Variants in KCNIP4 observed in about 807,000 individuals in gnomAD.
The protein encoded by KCNIP4 is Kv channel-interacting protein 4.
KCNIP4 carries 12 observed loss-of-function variants against 34.0 expected under a neutral mutation model. The observed-to-expected ratio is 0.35, with a 90% confidence interval of 0.23 to 0.57. The LOEUF (loss-of-function observed/expected upper bound fraction) is 0.57. KCNIP4 is among the 20% of genes least tolerant of loss of function. The probability of loss-of-function intolerance (pLI) is 0.83; values close to 1 mark genes in which losing one functional copy is unlikely to be tolerated. For missense variants in KCNIP4, 238 were observed against 311.7 expected (o/e 0.76, Z 1.78); for synonymous variants, 124 against 102.2 (o/e 1.21, Z -1.29).
intron 1 of KCNIP4, among the ~76,000 whole-genome samples, chr4:21,517,407 C>A (rs1039807489): frequency 5.3e-5 from 8 of 152,092 alleles, no homozygotes; most frequent in Non-Finnish European, 1.0e-4. Flanking sequence ...GGAATTTCAA[C>A]GTCCTAACTT....
chr4:21,193,475 T>A (rs1331102331), intron 1 of KCNIP4, among the ~76,000 whole-genome samples: 2 of 152,040 alleles, frequency 1.3e-5, no homozygotes, highest in African/African-American at 4.8e-5. Flanking sequence ...GTCAAGAATA[T>A]GGAGAAACTC....
chr4:21,198,210 C>T (rs1756197883), intron 1 of KCNIP4, among the ~76,000 whole-genome samples: 1 of 152,148 alleles, frequency 6.6e-6, no homozygotes, highest in African/African-American at 2.4e-5. Context: ...TCCAGGAGGA[C>T]ATGTTTTCTA....
At chr4:21,063,742 T>C (rs1408600246) in intron 1 of KCNIP4, among the ~76,000 whole-genome samples, 3 of 152,156 alleles carry the variant, frequency 2.0e-5, no homozygotes, top group Admixed American at 1.3e-4. Flanking sequence ...CTCTAACTTT[T>C]ATCAAAAAAT....
intron 1 of KCNIP4, among the ~76,000 whole-genome samples, chr4:21,243,981 G>A (rs940253724): frequency 6.6e-6 from 1 of 152,162 alleles, no homozygotes; most frequent in African/African-American, 2.4e-5. Flanking sequence ...TCAGAAAGTT[G>A]TAGCAAACAT....
intron 1 of KCNIP4, among the ~76,000 whole-genome samples, chr4:21,209,969 G>C (rs1268358487): frequency 2.0e-5 from 3 of 152,070 alleles, no homozygotes; most frequent in East Asian, 3.9e-4. Context: ...ATGCTTAACT[G>C]GTTGAAAGAA....
At chr4:21,555,111 G>C (rs1202021620) in intron 1 of KCNIP4, among the ~76,000 whole-genome samples, 1 of 152,050 alleles carries the variant, frequency 6.6e-6, no homozygotes, top group African/African-American at 2.4e-5. Flanking sequence ...CCTGTTCTTT[G>C]CTTGCAAATG....
intron 1 of KCNIP4, among the ~76,000 whole-genome samples, chr4:21,630,193 G>A (rs948073765): frequency 3.3e-5 from 5 of 151,476 alleles, no homozygotes; most frequent in Admixed American, 1.3e-4. Context: ...AGCCTTCAGC[G>A]CGGTGGCTCA....
At chr4:21,793,703 A>T (rs2109238560) in intron 1 of KCNIP4, among the ~76,000 whole-genome samples, 1 of 152,346 alleles carries the variant, frequency 6.6e-6, no homozygotes, top group East Asian at 1.9e-4. Context: ...TAATCATACA[A>T]AATCTGCCCA....
intron 1 of KCNIP4, among the ~76,000 whole-genome samples, chr4:21,795,465 A>G (rs1004512422): frequency 2.6e-5 from 4 of 152,204 alleles, no homozygotes; most frequent in African/African-American, 7.2e-5. Flanking sequence ...TGCAATGTCT[A>G]TGAGGCAAAG....
chr4:21,560,226 A>G (rs986581023), intron 1 of KCNIP4, among the ~76,000 whole-genome samples: 3 of 152,086 alleles, frequency 2.0e-5, no homozygotes, highest in Non-Finnish European at 4.4e-5. Flanking sequence ...TCCTAACTTT[A>G]AGATCATCTC....
At chr4:20,756,051 G>C (rs1195539315) in intron 4 of KCNIP4, among the ~76,000 whole-genome samples, 2 of 152,096 alleles carry the variant, frequency 1.3e-5, no homozygotes, top group Admixed American at 1.3e-4. Flanking sequence ...GGATCACTCT[G>C]ACTCATTTTA....
At chr4:21,059,360 C>G (rs973200519) in intron 1 of KCNIP4, among the ~76,000 whole-genome samples, 1 of 152,272 alleles carries the variant, frequency 6.6e-6, no homozygotes, top group East Asian at 1.9e-4. Flanking sequence ...TTAGCGCCAA[C>G]TATTCAAATT....
At chr4:21,659,412 C>T (rs1229735376) in intron 1 of KCNIP4, among the ~76,000 whole-genome samples, 1 of 152,076 alleles carries the variant, frequency 6.6e-6, no homozygotes, top group East Asian at 1.9e-4. Flanking sequence ...TCTGATTATG[C>T]ATTTTTTTGA....
intron 1 of KCNIP4, among the ~76,000 whole-genome samples, chr4:21,764,768 TG>T (rs947397367): frequency 6.6e-6 from 1 of 152,116 alleles, no homozygotes; most frequent in African/African-American, 2.4e-5. Flanking sequence ...TGTCCTTTTT[TG>T]CTTGTCTGCT....
At chr4:20,856,393 G>A (rs1054745865) in intron 2 of KCNIP4, among the ~76,000 whole-genome samples, 1 of 152,134 alleles carries the variant, frequency 6.6e-6, no homozygotes, top group African/African-American at 2.4e-5. Flanking sequence ...CATTTCTGAA[G>A]CCTCTCTGGA....
chr4:21,154,325 TA>T (rs1752987478), intron 1 of KCNIP4, among the ~76,000 whole-genome samples: 1 of 152,162 alleles, frequency 6.6e-6, no homozygotes, highest in Non-Finnish European at 1.5e-5. Context: ...TATGTATTCA[TA>T]AAAATAAAAT....
chr4:20,992,262 C>T (rs987733062), intron 1 of KCNIP4, among the ~76,000 whole-genome samples: 4 of 152,136 alleles, frequency 2.6e-5, no homozygotes, highest in African/African-American at 7.2e-5. Flanking sequence ...CAGGCACTTT[C>T]TTCACAGGGT....
chr4:20,933,570 C>T (rs1483972417), intron 1 of KCNIP4, among the ~76,000 whole-genome samples: 2 of 151,904 alleles, frequency 1.3e-5, no homozygotes, highest in African/African-American at 4.8e-5. Context: ...TGTGATTATC[C>T]ACAATTTCTT....
chr4:21,238,372 C>T (rs1311530867), intron 1 of KCNIP4, among the ~76,000 whole-genome samples: 2 of 152,296 alleles, frequency 1.3e-5, no homozygotes, highest in East Asian at 3.9e-4. Context: ...GTTGGAAGTG[C>T]TGGCCAGGGC....
Sources: allele counts gnomAD v4.1 joint callset (sites outside exome capture counted in the v4.1 genomes callset), GRCh38; gene constraint gnomAD v4.1.1; transcripts MANE v1.5; gene names NCBI Gene and HGNC (gene_info 2026-07-23, HGNC 2026-07-21).